The following MLXIP variants were observed in gnomAD, a reference collection of about 807,000 sequenced individuals.
MLXIP encodes the protein MLX-interacting protein.
In MLXIP, 30 loss-of-function variants were observed where a neutral mutation model predicts 87.2. The ratio of observed to expected loss-of-function variants is 0.34; its 90% CI spans 0.26 to 0.47. The LOEUF (loss-of-function observed/expected upper bound fraction) is 0.47. MLXIP is among the 20% of genes least tolerant of loss of function. The pLI is 1.00. For synonymous variants in MLXIP, 530 were observed against 514.0 expected (o/e 1.03, Z -0.42); for missense variants, 1,002 against 1,240.1 (o/e 0.81, Z 2.88).
At chr12:122,094,894 G>A (rs1952325270) in intron 1 of MLXIP, among the ~76,000 whole-genome samples, 1 of 148,722 alleles carries the variant, frequency 6.7e-6, no homozygotes, top group Non-Finnish European at 1.5e-5. Flanking sequence ...TACGTATGGG[G>A]AGTGTGTGGG....
intron 3 of MLXIP, chr12:122,128,524 C>G (rs936213716): frequency 6.4e-6 from 1 of 156,394 alleles, no homozygotes; most frequent in Non-Finnish European, 1.4e-5. Context: ...ATATTGTAAT[C>G]AGTTCTTTTT....
chr12:122,098,146 G>A (rs746366575), intron 1 of MLXIP, among the ~76,000 whole-genome samples: 2 of 152,220 alleles, frequency 1.3e-5, no homozygotes, highest in Non-Finnish European at 2.9e-5. Context: ...TGGAGCTATG[G>A]GTGTGTTTGT....
At position 122,135,744 on chromosome 12, in the gene MLXIP, T is replaced by C; in HGVS notation, c.2032+78T>C. On this transcript the variant is annotated intron_variant, in intron 11 of 16. Coordinates refer to ENST00000319080, the MANE Select transcript of MLXIP (RefSeq NM_014938.6). The surrounding 1 kb of genome is among the most constrained non-coding windows in gnomAD (Gnocchi z 5.3). Reference sequence around the variant, plus strand: ...CCTGCCGTAGACCATGGGGGGTGCTTGCTGGGTCCCCAGGACGGAGCCTGG... The same window carrying C: ...CCTGCCGTAGACCATGGGGGGTGCTCGCTGGGTCCCCAGGACGGAGCCTGG... 7.0e-7 allele frequency: 1 copy of C among 1,419,366 alleles called. No homozygotes were observed. The highest frequency in any genetic ancestry group is 1.4e-5 in the African/African-American group (1 of 69,220). The allele number at this position is 1,419,366 out of a possible 1,614,324, so 87.9% of individuals were successfully genotyped here. A position where few individuals can be genotyped will look rare whatever the true frequency, so the allele number is the denominator to read the frequency against.
At chr12:122,126,353 C>T (rs991012340) in intron 1 of MLXIP, among the ~76,000 whole-genome samples, 3 of 152,190 alleles carry the variant, frequency 2.0e-5, no homozygotes, top group African/African-American at 4.8e-5. Context: ...TAAGAGCTCC[C>T]GTGAGACCGT....
At chr12:122,129,408 G>C (rs1952935088) in intron 4 of MLXIP, 180 bp from the exon 5 acceptor site, 1 of 380,664 alleles carries the variant, frequency 2.6e-6, no homozygotes, top group African/African-American at 2.2e-5. Flanking sequence ...CGGTCAGGTT[G>C]TCTTTGCTCT....
intron 1 of MLXIP, among the ~76,000 whole-genome samples, chr12:122,123,329 G>A (rs1260792743): frequency 6.6e-6 from 1 of 152,176 alleles, no homozygotes; most frequent in Non-Finnish European, 1.5e-5. Context: ...GCCGTGGCTG[G>A]TTTGTTTGGA....
chr12:122,085,701 C>T (rs1209162480), intron 1 of MLXIP, among the ~76,000 whole-genome samples: 1 of 152,194 alleles, frequency 6.6e-6, no homozygotes, highest in East Asian at 1.9e-4. Flanking sequence ...TCTGCAGAGA[C>T]AAACACAACC....
chr12:122,128,913 C>T, intron 3 of MLXIP: 1 of 561,778 alleles, frequency 1.8e-6, no homozygotes, highest in South Asian at 2.0e-5. Context: ...CCCCCAAGGC[C>T]TTTGGCTACC....
chr12:122,100,582 T>G (rs1221986038), intron 1 of MLXIP, among the ~76,000 whole-genome samples: 2 of 152,246 alleles, frequency 1.3e-5, no homozygotes, highest in Non-Finnish European at 2.9e-5. Flanking sequence ...TTGAATTCTC[T>G]GTTCAACAGT....
chr12:122,088,131 G>C (rs144742755), intron 1 of MLXIP, among the ~76,000 whole-genome samples: 1 of 152,140 alleles, frequency 6.6e-6, no homozygotes. Context: ...CATCACAGCC[G>C]CCTACTTTGC....
chr12:122,140,663 G>T (rs145059536), intron 15 of MLXIP, among the ~76,000 whole-genome samples: 1 of 152,256 alleles, frequency 6.6e-6, no homozygotes, highest in African/African-American at 2.4e-5. Context: ...GATTTTGATC[G>T]CATGTTTGTG....
At chr12:122,095,865 TTTA>T (rs1480155392) in intron 1 of MLXIP, among the ~76,000 whole-genome samples, 1 of 151,736 alleles carries the variant, frequency 6.6e-6, no homozygotes, top group African/African-American at 2.4e-5. Context: ...TATTTTTATT[TTTA>T]TTATTATTTT....
intron 1 of MLXIP, among the ~76,000 whole-genome samples, chr12:122,115,691 G>T (rs1952680553): frequency 6.6e-6 from 1 of 151,738 alleles, no homozygotes; most frequent in Admixed American, 6.6e-5. Flanking sequence ...AAAATCCTAG[G>T]GGAAACATTT....
At chr12:122,127,829 G>A (rs1952904831) in intron 2 of MLXIP, 54 bp from the exon 3 acceptor site, 1 of 1,466,492 alleles carries the variant, frequency 6.8e-7, no homozygotes, top group South Asian at 1.1e-5. Flanking sequence ...GACAGGCTGG[G>A]GCTCCCTCAG....
At position 122,135,506 on chromosome 12, in the gene MLXIP, G is replaced by A. The variant is rs372057757; in HGVS notation, c.1872G>A (p.Glu624=). The change falls in exon 11 of 17, where the codon GAG becomes GAA. Residue 624 remains glutamate, a synonymous_variant. Coordinates refer to ENST00000319080, the MANE Select transcript of MLXIP (RefSeq NM_014938.6). The surrounding 1 kb of genome is among the most constrained non-coding windows in gnomAD (Gnocchi z 5.3). ...AAIARAPGVP[E]FHSSILVTDL... ...CACTGCAGGCTCCTGGGGTCCCGGAGTTCCACAGCAGCATCCTGGTGACAG... is the reference window on the plus strand; with the variant it reads ...CACTGCAGGCTCCTGGGGTCCCGGAATTCCACAGCAGCATCCTGGTGACAG... 169 of 1,609,474 alleles carry A rather than the reference G, an allele frequency of 1.1e-4. No individual in the cohort carries two copies. The highest frequency in any genetic ancestry group is 6.8e-5 in the Non-Finnish European group (80 of 1,178,468).
intron 1 of MLXIP, among the ~76,000 whole-genome samples, chr12:122,099,738 T>C (rs1249388068): frequency 6.6e-6 from 1 of 152,206 alleles, no homozygotes; most frequent in African/African-American, 2.4e-5. Context: ...GCCTCCTTGG[T>C]TTCCTATTTG....
chr12:122,128,820 A>C, intron 3 of MLXIP: 1 of 261,784 alleles, frequency 3.8e-6, no homozygotes, highest in Non-Finnish European at 7.4e-6. Flanking sequence ...GGGCTTGGGA[A>C]TTGCTGCAGC....
chr12:122,097,736 T>A (rs1191304116), intron 1 of MLXIP, among the ~76,000 whole-genome samples: 2 of 152,084 alleles, frequency 1.3e-5, no homozygotes, highest in Non-Finnish European at 2.9e-5. Flanking sequence ...TACTGAGGGC[T>A]CCATTTCCTG....
In MLXIP at chr12:122,141,695, A is replaced by G. The variant is rs1345491193; in HGVS notation, c.2643A>G (p.Val881=). 1 of 1,613,668 alleles carries G rather than the reference A, an allele frequency of 6.2e-7. No homozygotes were observed. Among genetic ancestry groups the G allele is most frequent in the East Asian group, 2.2e-5 (1 of 44,850 alleles). ...CTGACCCTTTCTGTCTTGCAGTGGT[A>G]TTGAGCACGCTGCGGCAGCTGAGCA... is the stretch of plus-strand genomic sequence containing the variant. ...HCSLPILRPM[V]LSTLRQLSTS... is the part of the protein sequence containing the mutation. Residue 881 remains valine (V), a synonymous_variant, in exon 17 of 17, where the codon GTA becomes GTG. Coordinates refer to ENST00000319080, the MANE Select transcript of MLXIP (RefSeq NM_014938.6).
Sources: allele counts gnomAD v4.1 joint callset (sites outside exome capture counted in the v4.1 genomes callset), GRCh38; gene constraint gnomAD v4.1.1; non-coding constraint Gnocchi (gnomAD v3.1); transcripts MANE v1.5; gene names NCBI Gene and HGNC (gene_info 2026-07-23, HGNC 2026-07-21).